The following PCDHA3 variants were observed in gnomAD, a reference collection of about 807,000 sequenced individuals.
The protein encoded by PCDHA3 is protocadherin alpha-3.
Under a neutral mutation model 62.2 loss-of-function variants are expected in PCDHA3, and 41 were observed. The ratio of observed to expected loss-of-function variants is 0.66; its 90% CI spans 0.51 to 0.86. PCDHA3 has a LOEUF of 0.86. PCDHA3 is among the 40% of genes least tolerant of loss of function. PCDHA3 has a pLI of 0.00. For synonymous variants in PCDHA3, 640 were observed against 555.4 expected, an observed-to-expected ratio of 1.15 and a Z score of -2.14; for missense variants, 1,304 against 1,241.2, an observed-to-expected ratio of 1.05 and a Z score of -0.76.
chr5:140,807,234 T>G (rs782807464), intron 1 of PCDHA3: 1 of 1,614,212 alleles, frequency 6.2e-7, no homozygotes, highest in South Asian at 1.1e-5. Flanking sequence ...CGTCTGCTGC[T>G]CTTACTTCTT....
rs782214418 is a variant in PCDHA3 at position 140,809,161 on chromosome 5, G to T, written c.2394+5570G>T. The T allele has an allele frequency of 1.9e-6, 3 of 1,613,834 alleles. No individual in the cohort carries two copies. The African/African-American group carries it at 4.0e-5, about 22-fold the overall frequency. On this transcript the variant is annotated intron_variant, in intron 1 of 3. Coordinates refer to ENST00000522353, the MANE Select transcript of PCDHA3 (RefSeq NM_018906.3). ...TGGTGAAGGACCACGGCGAGCCCGC[G>T]CTGACGGCCACGGCCACTGTGCTGG... is the stretch of plus-strand genomic sequence containing the variant.
At chr5:140,964,699 G>A (rs2095849795) in intron 1 of PCDHA3, among the ~76,000 whole-genome samples, 1 of 151,922 alleles carries the variant, frequency 6.6e-6, no homozygotes, top group Non-Finnish European at 1.5e-5. Context: ...GAGAGATTAA[G>A]GCCTCCGAGA....
chr5:140,895,023 T>C (rs781895966), intron 1 of PCDHA3, among the ~76,000 whole-genome samples: 2 of 152,204 alleles, frequency 1.3e-5, no homozygotes, highest in Non-Finnish European at 2.9e-5. Flanking sequence ...TTTCCTTTGT[T>C]TAATTGTCCC....
rs1169981457 is a variant in PCDHA3, at chr5:140,955,139, G to GT, written c.2395-23805dup. ...TTCTGTTCCACTGGTCTACACGTCT[G>GT]TTTTTGTACCAGTACCGTGCTGTTT... On this transcript the variant is annotated intron_variant, in intron 1 of 3. Coordinates refer to ENST00000522353, the MANE Select transcript of PCDHA3 (RefSeq NM_018906.3). Among the ~76,000 whole-genome samples the GT allele has an allele frequency of 2.0e-5, 3 of 152,138 alleles. No homozygotes were observed. The East Asian group carries it at 5.8e-4, about 29-fold the overall frequency.
At chr5:140,874,406 C>T (rs1399717105) in intron 1 of PCDHA3, among the ~76,000 whole-genome samples, 2 of 152,122 alleles carry the variant, frequency 1.3e-5, no homozygotes, top group Non-Finnish European at 2.9e-5. Flanking sequence ...ATAACAGTCA[C>T]CATTCTGATT....
chr5:140,817,590 T>G (rs1430318435), intron 1 of PCDHA3: 1 of 152,218 alleles, frequency 6.6e-6, no homozygotes, highest in African/African-American at 2.4e-5. Context: ...TTTTAATAAT[T>G]CCAGGCAACG....
rs2150462323 is a variant in PCDHA3 at position 140,849,996 on chromosome 5, G to C, written c.2394+46405G>C. On this transcript the variant is annotated intron_variant, in intron 1 of 3. Transcript: ENST00000522353. ...CTCGCTGGTGGAGCGGCGGTTGGGCGAGCGCTCGCTGTCGAGCTACGTGTC... is the reference window on the plus strand; with the variant it reads ...CTCGCTGGTGGAGCGGCGGTTGGGCCAGCGCTCGCTGTCGAGCTACGTGTC... The C allele has an allele frequency of 0.011, 17,121 of 1,597,124 alleles. 2,348 individuals are homozygous for C. In the African/African-American group the frequency reaches 0.2, roughly 18 times the overall value.
intron 1 of PCDHA3, chr5:140,834,234 C>T: frequency 1.3e-6 from 1 of 766,094 alleles, no homozygotes; most frequent in Non-Finnish European, 2.1e-6. Context: ...GGAAGTCATT[C>T]CTTTTCGCAC....
chr5:140,867,676 G>T (rs2050100182), intron 1 of PCDHA3: 1 of 151,988 alleles, frequency 6.6e-6, no homozygotes, highest in Admixed American at 6.6e-5. Flanking sequence ...CTAAAATTTT[G>T]TTGCATCTTC....
intron 3 of PCDHA3, among the ~76,000 whole-genome samples, chr5:141,006,559 T>C (rs2098278096): frequency 6.6e-6 from 1 of 152,134 alleles, no homozygotes; most frequent in East Asian, 1.9e-4. Flanking sequence ...TAAAGATGAC[T>C]CTGGCTACTG....
At chr5:140,940,349 C>T (rs1437069133) in intron 1 of PCDHA3, among the ~76,000 whole-genome samples, 14 of 152,156 alleles carry the variant, frequency 9.2e-5, no homozygotes, top group African/African-American at 2.9e-4. Flanking sequence ...GTGTGTCCAA[C>T]ATGCTATTAA....
rs372392810 is a variant in PCDHA3, at chr5:140,953,521, C to T, written c.2395-25428C>T. On this transcript the variant is annotated intron_variant, in intron 1 of 3. Coordinates refer to ENST00000522353, the MANE Select transcript of PCDHA3 (RefSeq NM_018906.3). Reference sequence around the variant, plus strand: ...AGCTATTAGGCCAAAGCAACAAAAACGGGAAACTCACTTCATGCTGATTCT... The same window carrying T: ...AGCTATTAGGCCAAAGCAACAAAAATGGGAAACTCACTTCATGCTGATTCT... 2.0e-5 allele frequency among the ~76,000 whole-genome samples: 3 copies of T among 152,230 alleles called. No individual in the cohort carries two copies. In the East Asian group the frequency reaches 5.8e-4, roughly 29 times the overall value.
chr5:140,815,054 T>G (rs1310495974), intron 1 of PCDHA3: 1 of 152,192 alleles, frequency 6.6e-6, no homozygotes, highest in African/African-American at 2.4e-5. Flanking sequence ...TTAATATCCT[T>G]TAACTTTCAG....
At position 140,803,402 on chromosome 5, in the gene PCDHA3, C is replaced by A; in HGVS notation, c.2205C>A (p.Gly735=). The change falls in exon 1 of 4, where the codon GGC becomes GGA. Residue 735 remains glycine (G), a synonymous_variant. Coordinates refer to ENST00000522353, the MANE Select transcript of PCDHA3 (RefSeq NM_018906.3). Reference sequence around the variant, plus strand: ...CAACCGAAGGCGACTGTGGGCCGGGCAAGCCCACGCTGGTGTGCTCCAGCG... The same window carrying A: ...CAACCGAAGGCGACTGTGGGCCGGGAAAGCCCACGCTGGTGTGCTCCAGCG... ...APPTEGDCGP[G]KPTLVCSSAV... 6.2e-7 allele frequency: 1 copy of A among 1,614,232 alleles called. No individual in the cohort carries two copies. Among genetic ancestry groups the A allele is most frequent in the Non-Finnish European group, 8.5e-7 (1 of 1,180,052 alleles).
intron 1 of PCDHA3, chr5:140,927,303 G>T: frequency 6.2e-7 from 1 of 1,614,150 alleles, no homozygotes. Flanking sequence ...CCGAGTTCCT[G>T]ACGCCCGGAG....
intron 1 of PCDHA3, among the ~76,000 whole-genome samples, chr5:140,819,487 A>G (rs1766570415): frequency 1.3e-5 from 2 of 152,164 alleles, no homozygotes; most frequent in South Asian, 4.1e-4. Flanking sequence ...ATGCTTAAAC[A>G]TGACTGAAAT....
intron 1 of PCDHA3, among the ~76,000 whole-genome samples, chr5:140,910,741 ATAAAT>A (rs2075151736): frequency 6.6e-6 from 1 of 152,142 alleles, no homozygotes; most frequent in African/African-American, 2.4e-5. Flanking sequence ...AACCAAGCAC[ATAAAT>A]TATCAGAACC....
chr5:140,856,271 G>T lies in PCDHA3; in HGVS notation c.2394+52680G>T, dbSNP rs782472888. On this transcript the variant is annotated intron_variant, in intron 1 of 3. Coordinates refer to ENST00000522353, the MANE Select transcript of PCDHA3 (RefSeq NM_018906.3). ...GTCCAAAAGACACGGGGACCTTCTG[G>T]AGGTAAATCTGCAGAATGGCATTTT... 7 of 1,598,148 alleles carry T rather than the reference G, an allele frequency of 4.4e-6. 1 individual carries two copies. The highest frequency in any genetic ancestry group is 6.0e-6 in the Non-Finnish European group (7 of 1,167,948).
chr5:140,971,778 G>T (rs1346530602), intron 1 of PCDHA3, among the ~76,000 whole-genome samples: 1 of 151,860 alleles, frequency 6.6e-6, no homozygotes, highest in Admixed American at 6.6e-5. Flanking sequence ...TATTATTCAA[G>T]ATTATTCAAT....
Sources: gnomAD v4.1 joint callset for allele counts (sites outside exome capture counted in the v4.1 genomes callset) on GRCh38, gnomAD v4.1.1 for gene constraint, MANE v1.5 for transcripts, NCBI Gene and HGNC (gene_info 2026-07-23, HGNC 2026-07-21) for gene names.